Variants in CAMTA1 observed in about 807,000 individuals in gnomAD.
The protein encoded by CAMTA1 is calmodulin binding transcription activator 1.
In CAMTA1, 27 loss-of-function variants were observed where a neutral mutation model predicts 170.9. The ratio of observed to expected loss-of-function variants is 0.16; its 90% CI spans 0.12 to 0.22. CAMTA1 has a LOEUF of 0.22. CAMTA1 is among the 10% of genes least tolerant of loss of function. CAMTA1 has a pLI of 1.00. For synonymous variants in CAMTA1, 833 were observed against 891.5 expected (o/e 0.93, Z 1.17); for missense variants, 1,619 against 2,217.2 (o/e 0.73, Z 5.42).
intron 1 of CAMTA1, among the ~76,000 whole-genome samples, chr1:6,819,718 A>G (rs1191160896): frequency 6.6e-6 from 1 of 152,244 alleles, no homozygotes; most frequent in Non-Finnish European, 1.5e-5. Context: ...CCCCTGAGCC[A>G]TTTGAGGATA....
At chr1:7,628,110 C>T (rs555000309) in intron 6 of CAMTA1, among the ~76,000 whole-genome samples, 25 of 152,282 alleles carry the variant, frequency 1.6e-4, no homozygotes, top group African/African-American at 6.0e-4. Flanking sequence ...GGCCTGTGTT[C>T]CATCAGTTGC....
intron 1 of CAMTA1, among the ~76,000 whole-genome samples, chr1:6,819,509 A>C (rs1208059577): frequency 6.6e-6 from 1 of 152,146 alleles, no homozygotes; most frequent in South Asian, 2.1e-4. Flanking sequence ...GAAATGGTTA[A>C]AAATGTTGTT....
intron 3 of CAMTA1, among the ~76,000 whole-genome samples, chr1:6,936,188 C>T (rs1425963266): frequency 6.6e-6 from 1 of 152,198 alleles, no homozygotes; most frequent in East Asian, 1.9e-4. Context: ...AAAGTCTGTG[C>T]CATTAGTTCC....
intron 5 of CAMTA1, among the ~76,000 whole-genome samples, chr1:7,342,915 A>T (rs74052946): frequency 0.013 from 1,946 of 152,274 alleles, 20 homozygotes; most frequent in Middle Eastern, 0.024. Context: ...GGGACCATCA[A>T]TCAGACACGG....
chr1:7,525,087 C>T (rs966519953), intron 6 of CAMTA1, among the ~76,000 whole-genome samples: 1 of 152,232 alleles, frequency 6.6e-6, no homozygotes, highest in African/African-American at 2.4e-5. Context: ...CGTCGGCCCC[C>T]GTCGCGCTGC....
chr1:7,500,275 C>CGTATGTATATGAGTGTGTGT lies in CAMTA1; in HGVS notation c.510+32376_510+32377insATGTATATGAGTGTGTGTGT, dbSNP rs2093978697. ...GAGAGGATTGTGTGAGCCTGGTGTG[C>CGTATGTATATGAGTGTGTGT]GTGCATATGTATATGAGTGTGTGTG... On this transcript the variant is annotated intron_variant, in intron 6 of 22. Coordinates refer to ENST00000303635, the MANE Select transcript of CAMTA1 (RefSeq NM_015215.4). 1.6e-5 allele frequency among the ~76,000 whole-genome samples: 2 copies of CGTATGTATATGAGTGTGTGT among 128,582 alleles called. 1 individual carries two copies. The highest frequency in any genetic ancestry group is 3.2e-5 in the Non-Finnish European group (2 of 63,368). 84.4% of individuals were successfully genotyped at this position (128,582 alleles called of 152,430 possible).
intron 1 of CAMTA1, among the ~76,000 whole-genome samples, chr1:6,796,908 T>A (rs1471992591): frequency 6.6e-6 from 1 of 152,208 alleles, no homozygotes. Flanking sequence ...TTTTCTCTAC[T>A]TTCGTGGGGG....
intron 6 of CAMTA1, among the ~76,000 whole-genome samples, chr1:7,603,689 G>T (rs1576349422): frequency 6.6e-6 from 1 of 152,068 alleles, no homozygotes. Flanking sequence ...TACACTTAAG[G>T]TTAATATTAT....
chr1:7,505,372 G>C (rs955863060), intron 6 of CAMTA1, among the ~76,000 whole-genome samples: 1 of 152,166 alleles, frequency 6.6e-6, no homozygotes, highest in Non-Finnish European at 1.5e-5. Context: ...GGGTGTGCTG[G>C]GACGTGGGCG....
At chr1:7,132,531 G>T (rs1460232515) in intron 4 of CAMTA1, among the ~76,000 whole-genome samples, 1 of 152,154 alleles carries the variant, frequency 6.6e-6, no homozygotes, top group Non-Finnish European at 1.5e-5. Flanking sequence ...AGACTCTCAA[G>T]AAGTGAAAAT....
intron 6 of CAMTA1, among the ~76,000 whole-genome samples, chr1:7,560,521 C>A (rs1479251910): frequency 3.3e-5 from 5 of 152,216 alleles, no homozygotes; most frequent in African/African-American, 1.2e-4. Flanking sequence ...CTCCATCAGG[C>A]CCCAAGGATA....
chr1:7,147,015 C>T (rs1452760499), intron 4 of CAMTA1, among the ~76,000 whole-genome samples: 1 of 151,634 alleles, frequency 6.6e-6, no homozygotes, highest in East Asian at 1.9e-4. Context: ...CTCAAACATG[C>T]ACCATGCACA....
intron 5 of CAMTA1, among the ~76,000 whole-genome samples, chr1:7,449,366 G>A (rs1362874676): frequency 6.6e-6 from 1 of 152,204 alleles, no homozygotes; most frequent in Non-Finnish European, 1.5e-5. Context: ...CACCGGGCCA[G>A]GCAGAGCAGC....
chr1:6,824,949 A>G (rs1250374805), intron 2 of CAMTA1, 143 bp from the exon 3 acceptor site: 4 of 510,810 alleles, frequency 7.8e-6, no homozygotes, highest in Non-Finnish European at 1.4e-5. Context: ...AATGAGTATT[A>G]TTAACTAAGA....
chr1:7,487,329 C>A (rs1361036044), intron 6 of CAMTA1, among the ~76,000 whole-genome samples: 4 of 152,198 alleles, frequency 2.6e-5, no homozygotes, highest in Non-Finnish European at 5.9e-5. Flanking sequence ...CCCACCCCAG[C>A]TCTGGGGCCA....
At position 6,898,180 on chromosome 1, in the gene CAMTA1, G is replaced by A. The variant is rs953856713; in HGVS notation, c.234+72970G>A. On this transcript the variant is annotated intron_variant, in intron 3 of 22. Transcript: ENST00000303635. The stretch of plus-strand genomic sequence containing the variant: ...ATTTGTTAAAATTGTAATGTGTCCT[G>A]ATTTAGAGGAAACTAATTATTATGT... 4.2e-4 allele frequency among the ~76,000 whole-genome samples: 64 copies of A among 152,268 alleles called. 1 individual carries two copies. Among genetic ancestry groups the A allele is most frequent in the Admixed American group, 2.0e-4 (3 of 15,300 alleles).
Position 7,622,096 on chromosome 1 carries a change from G to A in CAMTA1, c.511-18304G>A. Among the ~76,000 whole-genome samples the A allele has an allele frequency of 3.9e-5, 6 of 152,334 alleles. No individual in the cohort carries two copies. In the South Asian group the frequency reaches 1.2e-3, roughly 32 times the overall value. ...TTCTGTTCATGACCCTGGAGGTATGGGGGGAGGAGGAGGAAGCGGAGATTG... is the reference window on the plus strand; with the variant it reads ...TTCTGTTCATGACCCTGGAGGTATGAGGGGAGGAGGAGGAAGCGGAGATTG... On this transcript the variant is annotated intron_variant, in intron 6 of 22. Coordinates refer to ENST00000303635, the MANE Select transcript of CAMTA1 (RefSeq NM_015215.4).
intron 5 of CAMTA1, among the ~76,000 whole-genome samples, chr1:7,385,894 C>G (rs2087904045): frequency 6.6e-6 from 1 of 152,210 alleles, no homozygotes; most frequent in African/African-American, 2.4e-5. Context: ...CAGTGCGGTG[C>G]TGAGCTTCGT....
At chr1:7,704,684 C>G (rs1039873075) in intron 11 of CAMTA1, among the ~76,000 whole-genome samples, 1 of 148,360 alleles carries the variant, frequency 6.7e-6, no homozygotes, top group East Asian at 2.0e-4. Context: ...CACCGCCGCG[C>G]CCCGCCATTG....
Sources: gnomAD v4.1 joint callset for allele counts (sites outside exome capture counted in the v4.1 genomes callset) on GRCh38, gnomAD v4.1.1 for gene constraint, MANE v1.5 for transcripts, NCBI Gene and HGNC (gene_info 2026-07-23, HGNC 2026-07-21) for gene names.